The following SQSTM1 variants were observed in gnomAD, a reference collection of about 807,000 sequenced individuals.
SQSTM1 encodes sequestosome 1.
SQSTM1 carries 36 observed loss-of-function variants against 45.1 expected under a neutral mutation model. That is an observed-to-expected ratio of 0.80 (90% CI 0.61 to 1.05). The LOEUF (loss-of-function observed/expected upper bound fraction) is 1.05. Among genes scored for constraint, SQSTM1 ranks in the 50% least tolerant of loss-of-function variants. The pLI, the probability that SQSTM1 is intolerant of heterozygous loss-of-function variation, is 0.00. For synonymous variants in SQSTM1, 290 were observed against 244.3 expected (o/e 1.19, Z -1.74); for missense variants, 617 against 607.1 (o/e 1.02, Z -0.17).
At chr5:179,834,638 G>A (rs1209490368) in intron 7 of SQSTM1, among the ~76,000 whole-genome samples, 2 of 151,924 alleles carry the variant, frequency 1.3e-5, no homozygotes, top group African/African-American at 4.8e-5. Context: ...CTGCCTTCAA[G>A]CATCTGTTTA....
chr5:179,824,474 G>A (rs1004285605), intron 4 of SQSTM1, 151 bp downstream of exon 4: 41 of 1,234,424 alleles, frequency 3.3e-5, no homozygotes, highest in African/African-American at 1.8e-4. Flanking sequence ...ACCCTGCAAA[G>A]TGGGGTGTAT....
rs116597749 is a variant in SQSTM1 at position 179,825,439 on chromosome 5, C to A, written c.754+213C>A. Among the ~76,000 whole-genome samples the A allele has an allele frequency of 9.6e-3, 1,455 of 152,260 alleles. 26 individuals carry two copies. Among genetic ancestry groups the A allele is most frequent in the African/African-American group, 0.034 (1,393 of 41,520 alleles). The stretch of plus-strand genomic sequence containing the variant: ...TCGAGCTTTCTACATGGAGTGAAGT[C>A]GAATCAGCTGGCATTTGGTTGGGAT... On this transcript the variant is annotated intron_variant, in intron 5 of 7. Coordinates refer to ENST00000389805, the MANE Select transcript of SQSTM1 (RefSeq NM_003900.5).
chr5:179,810,449 T>C (rs1757363468), intron 1 of SQSTM1, among the ~76,000 whole-genome samples: 1 of 152,214 alleles, frequency 6.6e-6, no homozygotes, highest in Non-Finnish European at 1.5e-5. Context: ...ATGAACTCAT[T>C]CTTTTTTATG....
At chr5:179,833,465 C>T in intron 6 of SQSTM1, 122 bp from the exon 7 acceptor site, 1 of 1,120,520 alleles carries the variant, frequency 8.9e-7, no homozygotes, top group South Asian at 1.3e-5. Flanking sequence ...CCCCTAGACC[C>T]CTGCAGCCTT....
Position 179,806,431 on chromosome 5 carries a change from T to G in SQSTM1, c.-317T>G, listed in dbSNP as rs1475474726. The G allele has an allele frequency of 9.1e-7, 1 of 1,101,906 alleles. No homozygotes were observed. The highest frequency in any genetic ancestry group is 5.8e-5 in the East Asian group (1 of 17,184). The allele number at this position is 1,101,906 out of a possible 1,614,324, so 68.3% of individuals were successfully genotyped here. ...CTTCCGCGGCCACCGCCGGGCCCGC[T>G]CCCGCCGCCGACGCCCAGGTGCGCC... On this transcript the variant is annotated 5_prime_UTR_variant, in exon 1 of 6. Coordinates refer to the SQSTM1 transcript ENST00000514093. The surrounding 1 kb of genome is among the most constrained non-coding windows in gnomAD (Gnocchi z 4.6).
upstream of SQSTM1, chr5:179,820,851 G>T (rs1182232781): frequency 7.8e-7 from 1 of 1,283,864 alleles, no homozygotes; most frequent in Non-Finnish European, 1.0e-6. Flanking sequence ...CCCTCTCGAG[G>T]CGGGGCGGGG....
chr5:179,833,280 C>T lies in SQSTM1; in HGVS notation c.969+34C>T, dbSNP rs367636442. 50 of 1,536,310 alleles carry T rather than the reference C, an allele frequency of 3.3e-5. 1 individual carries two copies. Among genetic ancestry groups the T allele is most frequent in the Admixed American group, 1.6e-4 (8 of 51,288 alleles). ...GTGCCCCTCCCGCCACCTGGGACCA[C>T]GGCCAGCCTAGTGATCTGTGGCCTG... On this transcript the variant is annotated intron_variant, in intron 6 of 7. Transcript: ENST00000389805.
intron 5 of SQSTM1, 73 bp from the exon 6 acceptor site, chr5:179,832,959 C>G (rs143939960): frequency 6.7e-7 from 1 of 1,497,766 alleles, no homozygotes; most frequent in South Asian, 1.1e-5. Context: ...GTAGTCTCCA[C>G]AGGCCAAGCT....
upstream of SQSTM1, among the ~76,000 whole-genome samples, chr5:179,816,773 CT>C (rs61009736): frequency 0.097 from 14,826 of 152,148 alleles, 896 homozygotes; most frequent in Admixed American, 0.18. Flanking sequence ...TCCAGCCCCC[CT>C]CCCTACTCCT....
chr5:179,811,599 C>G (rs901473647), exon 2 of SQSTM1: 1 of 152,236 alleles, frequency 6.6e-6, no homozygotes, highest in Non-Finnish European at 1.5e-5. Flanking sequence ...TCTCTCATGG[C>G]CGCTGCACAA....
At chr5:179,830,350 T>C (rs1758159881) in intron 5 of SQSTM1, among the ~76,000 whole-genome samples, 1 of 152,086 alleles carries the variant, frequency 6.6e-6, no homozygotes, top group South Asian at 2.1e-4. Context: ...TAGGAGACAA[T>C]GGAACAACTG....
chr5:179,809,746 C>T (rs544619783), intron 1 of SQSTM1, among the ~76,000 whole-genome samples: 4 of 148,502 alleles, frequency 2.7e-5, no homozygotes, highest in African/African-American at 5.0e-5. Context: ...CGGGTTCAAG[C>T]GATTCTCCTG....
upstream of SQSTM1, chr5:179,820,772 G>A (rs1299950622): frequency 7.0e-6 from 4 of 573,456 alleles, no homozygotes; most frequent in Non-Finnish European, 1.1e-5. Context: ...GTAGTGAAGG[G>A]GCCTCTGCAG....
chr5:179,824,456 A>T (rs1489678483), intron 4 of SQSTM1, 133 bp downstream of exon 4: 1 of 1,335,410 alleles, frequency 7.5e-7, no homozygotes, highest in East Asian at 2.4e-5. Flanking sequence ...CCCTACAATC[A>T]CACAAGAACC....
At chr5:179,826,568 C>G (rs893710835) in intron 5 of SQSTM1, among the ~76,000 whole-genome samples, 1 of 150,762 alleles carries the variant, frequency 6.6e-6, no homozygotes, top group African/African-American at 2.4e-5. Flanking sequence ...GAGGTGAAGT[C>G]AGAGAATAGG....
intron 1 of SQSTM1, chr5:179,808,486 C>T (rs1289324686): frequency 1.3e-5 from 2 of 152,192 alleles, no homozygotes; most frequent in Non-Finnish European, 2.9e-5. Flanking sequence ...ACATAAAGGG[C>T]CTTAGAAATT....
At chr5:179,818,009 T>G (rs1757635216), upstream of SQSTM1, among the ~76,000 whole-genome samples, 2 of 61,104 alleles carry the variant, frequency 3.3e-5, no homozygotes, top group Non-Finnish European at 2.8e-5. Flanking sequence ...AGAGAGACTG[T>G]CTCAAAAAAA....
At chr5:179,833,888 T>A in intron 7 of SQSTM1, 106 bp downstream of exon 7, 1 of 1,279,756 alleles carries the variant, frequency 7.8e-7, no homozygotes, top group African/African-American at 1.5e-5. Flanking sequence ...TGTTCTCCAC[T>A]GCAGGGCTGT....
intron 5 of SQSTM1, among the ~76,000 whole-genome samples, chr5:179,828,894 C>T (rs1432874639): frequency 6.6e-6 from 1 of 152,114 alleles, no homozygotes; most frequent in Non-Finnish European, 1.5e-5. Flanking sequence ...GGAAGATGGA[C>T]ATGGAGGGAG....
Sources: gnomAD v4.1 joint callset for allele counts (sites outside exome capture counted in the v4.1 genomes callset) on GRCh38, gnomAD v4.1.1 for gene constraint, Gnocchi (gnomAD v3.1) non-coding constraint, MANE v1.5 for transcripts, NCBI Gene and HGNC (gene_info 2026-07-23, HGNC 2026-07-21) for gene names.